The following SCN9A variants were observed in gnomAD, a reference collection of about 807,000 sequenced individuals.
The protein encoded by SCN9A is sodium channel protein type 9 subunit alpha.
Under a neutral mutation model 187.0 loss-of-function variants are expected in SCN9A, and 131 were observed. The observed-to-expected ratio is 0.70, with a 90% CI of 0.61 to 0.81. SCN9A has a LOEUF of 0.81. Ranked by LOEUF, SCN9A falls within the 30% of genes least tolerant of loss-of-function variation. The pLI, the probability that SCN9A is intolerant of heterozygous loss-of-function variation, is 0.00. For synonymous variants in SCN9A, 809 were observed against 808.6 expected, an observed-to-expected ratio of 1.00 and a Z score of -0.01; for missense variants, 2,252 against 2,396.6, an observed-to-expected ratio of 0.94 and a Z score of 1.26.
At chr2:166,360,244 A>G (rs1392602209) in intron 1 of SCN9A, among the ~76,000 whole-genome samples, 1 of 151,184 alleles carries the variant, frequency 6.6e-6, no homozygotes, top group African/African-American at 2.4e-5. Context: ...AAGAAAAAAA[A>G]AAAAAGAAAT....
rs1697264285 is a variant in SCN9A, at chr2:166,277,007, C to G, written c.2850G>C (p.Met950Ile). ...GQAMCLIVYMMVMVIGNLVVL... is the reference protein window; with the variant it reads ...GQAMCLIVYMIVMVIGNLVVL... Reference sequence around the variant, plus strand: ...CCACCAGGTTTCCAATGACCATGACCATCATGTAAACAATAAGGCACATAG... The same window carrying G: ...CCACCAGGTTTCCAATGACCATGACGATCATGTAAACAATAAGGCACATAG... The change falls in exon 16 of 27, where the codon ATG becomes ATC. Residue 950 changes from methionine (M) to isoleucine (I), a missense_variant. Physicochemically the swap from Met to Ile is conservative, Grantham distance 10 (BLOSUM62 1). Around this residue, in one of 7 missense-constraint regions of SCN9A, gnomAD observed 119 missense variants for 188.7 expected, o/e 0.63. Transcript: ENST00000642356. The G allele has an allele frequency of 6.2e-7, 1 of 1,613,478 alleles. No individual in the cohort carries two copies. Among genetic ancestry groups the G allele is most frequent in the African/African-American group, 1.3e-5 (1 of 74,958 alleles).
In SCN9A at chr2:166,228,982, A is replaced by C; in HGVS notation, c.3925-10T>G. ...GTGCATTCACAACGACCTAGTATTC[A>C]AAAGAAAGAAAAGCATGATTAGGAT... On this transcript the variant is annotated splice_polypyrimidine_tract_variant and intron_variant, in intron 21 of 26. Coordinates refer to ENST00000642356, the MANE Select transcript of SCN9A (RefSeq NM_001365536.1). 4 of 1,600,010 alleles carry C rather than the reference A, an allele frequency of 2.5e-6. No individual in the cohort carries two copies. Among genetic ancestry groups the C allele is most frequent in the Non-Finnish European group, 3.4e-6 (4 of 1,169,400 alleles).
chr2:166,338,493 T>A (rs1699685373), intron 1 of SCN9A, among the ~76,000 whole-genome samples: 1 of 152,094 alleles, frequency 6.6e-6, no homozygotes, highest in East Asian at 1.9e-4. Flanking sequence ...GTTTTTTAAA[T>A]TTTTTATTGT....
At position 166,307,153 on chromosome 2, in the gene SCN9A, C is replaced by T. The variant is rs4447616; in HGVS notation, c.259-79G>A. 497,824 of 786,280 alleles carry T rather than the reference C, an allele frequency of 0.63. 160,867 individuals carry two copies. Among genetic ancestry groups the T allele is most frequent in the African/African-American group, 0.83 (48,383 of 58,080 alleles). 48.7% of individuals were successfully genotyped at this position (786,280 alleles called of 1,614,324 possible). A position where few individuals can be genotyped will look rare whatever the true frequency, so the allele number is the denominator to read the frequency against. On this transcript the variant is annotated intron_variant, in intron 2 of 26. Transcript: ENST00000642356. ...ACATCAATATCAGCAGTTTACCTTT[C>T]TACATGGCAGTGTTATATTGAAGAA... is the stretch of plus-strand genomic sequence containing the variant.
intron 20 of SCN9A, among the ~76,000 whole-genome samples, chr2:166,234,676 G>T (rs1695235321): frequency 6.6e-6 from 1 of 151,788 alleles, no homozygotes; most frequent in African/African-American, 2.4e-5. Flanking sequence ...TCTTAAATTT[G>T]CCCAGTCATT....
At chr2:166,364,936 C>T (rs914919643) in intron 1 of SCN9A, among the ~76,000 whole-genome samples, 3 of 152,160 alleles carry the variant, frequency 2.0e-5, no homozygotes, top group Admixed American at 2.0e-4. Context: ...AGTTAGCAAC[C>T]GGTCAACCCT....
intron 1 of SCN9A, among the ~76,000 whole-genome samples, chr2:166,362,437 G>A (rs899788746): frequency 1.1e-4 from 16 of 151,934 alleles, no homozygotes; most frequent in African/African-American, 3.9e-4. Context: ...CAAAGATAAA[G>A]GGTATGGCTA....
At chr2:166,208,070 A>G (rs1574714572) in intron 24 of SCN9A, among the ~76,000 whole-genome samples, 1 of 152,256 alleles carries the variant, frequency 6.6e-6, no homozygotes, top group Non-Finnish European at 1.5e-5. Flanking sequence ...AATTAATTCA[A>G]TAGAGAAACT....
chr2:166,200,289 G>A (rs962366446), intron 26 of SCN9A, among the ~76,000 whole-genome samples: 1 of 151,766 alleles, frequency 6.6e-6, no homozygotes, highest in Non-Finnish European at 1.5e-5. Context: ...GAGCCACCGT[G>A]CCCGGCCAAG....
chr2:166,307,543 T>C lies in SCN9A; in HGVS notation c.259-469A>G, dbSNP rs111302354. On this transcript the variant is annotated intron_variant, in intron 2 of 26. Coordinates refer to ENST00000642356, the MANE Select transcript of SCN9A (RefSeq NM_001365536.1). ...AGCACATGTTCCAAAATATGAGTTA[T>C]TTCAAAAAATATTTTCCTAAGTTGA... Among the ~76,000 whole-genome samples the C allele has an allele frequency of 7.9e-3, 1,199 of 152,324 alleles. 22 individuals are homozygous for C. The highest frequency in any genetic ancestry group is 0.026 in the African/African-American group (1,100 of 41,568).
chr2:166,219,449 A>G (rs1305200067), intron 24 of SCN9A, among the ~76,000 whole-genome samples: 2 of 152,084 alleles, frequency 1.3e-5, no homozygotes, highest in Non-Finnish European at 2.9e-5. Context: ...GGCCATTTTC[A>G]TTAGTAAACT....
chr2:166,199,837 G>A lies in SCN9A; in HGVS notation c.4802C>T (p.Thr1601Met), dbSNP rs371341018. The change falls in exon 27 of 27, where the codon ACG becomes ATG. Residue 1601 changes from threonine (T) to methionine (M), a missense_variant. This residue lies in a region of SCN9A where 368 missense variants were observed against 408.6 expected (regional missense o/e 0.90). Transcript: ENST00000642356. ...GAACAGGGTAGGGGACACAAAATAC[G>A]TTTCAATCAAATCAGCTAGAAACAT... ...VGMFLADLIE[T>M]YFVSPTLFRV... 5 of 1,613,676 alleles carry A rather than the reference G, an allele frequency of 3.1e-6. No homozygotes were observed. The highest frequency in any genetic ancestry group is 1.7e-5 in the Admixed American group (1 of 59,988).
In SCN9A at chr2:166,375,817, C is replaced by A. The variant is rs1390451207; in HGVS notation, c.-171G>T. The stretch of plus-strand genomic sequence containing the variant: ...GGGCTGCTTCTTTTTCTCTGGGCTC[C>A]TGTTGCTCAGGGGACGCCTGCCGCT... On this transcript the variant is annotated 5_prime_UTR_variant, in exon 1 of 27. In the 5' UTR this introduces an upstream ATG that the reference lacks. Coordinates refer to ENST00000642356, the MANE Select transcript of SCN9A (RefSeq NM_001365536.1). 1 of 152,282 alleles carries A rather than the reference C, an allele frequency of 6.6e-6. No homozygotes were observed. The allele number at this position is 152,282 out of a possible 1,614,324, so 9.4% of individuals were successfully genotyped here.
chr2:166,335,906 T>A (rs559205579), intron 1 of SCN9A, among the ~76,000 whole-genome samples: 1 of 152,220 alleles, frequency 6.6e-6, no homozygotes, highest in South Asian at 2.1e-4. Flanking sequence ...TGTACAGAGT[T>A]TTTTTTCTTG....
In SCN9A at chr2:166,196,027, C is replaced by A. The variant is rs1214857774; in HGVS notation, c.*2645G>T. On this transcript the variant is annotated 3_prime_UTR_variant, in exon 27 of 27. Transcript: ENST00000642356. The stretch of plus-strand genomic sequence containing the variant: ...TGCCATTGCACTCTAGCCTGGGTGA[C>A]AGAGCGAGACCTGGTCACTTAAAAA... 1 of 152,040 alleles carries A rather than the reference C, an allele frequency of 6.6e-6. No homozygotes were observed. Among genetic ancestry groups the A allele is most frequent in the Non-Finnish European group, 1.5e-5 (1 of 68,036 alleles). The allele number at this position is 152,040 out of a possible 1,614,324, so 9.4% of individuals were successfully genotyped here. A position where few individuals can be genotyped will look rare whatever the true frequency, so the allele number is the denominator to read the frequency against.
At chr2:166,214,080 GAGAGA>G (rs1198497388) in intron 24 of SCN9A, among the ~76,000 whole-genome samples, 1 of 152,114 alleles carries the variant, frequency 6.6e-6, no homozygotes, top group Non-Finnish European at 1.5e-5. Context: ...AGAGTGTAAA[GAGAGA>G]AGAGATGAAC....
intron 11 of SCN9A, among the ~76,000 whole-genome samples, chr2:166,285,286 G>A (rs1697688931): frequency 6.6e-6 from 1 of 152,154 alleles, no homozygotes; most frequent in Non-Finnish European, 1.5e-5. Flanking sequence ...TATTTAAAGA[G>A]AGCTTTTAGC....
chr2:166,358,354 G>C (rs1458104853), intron 1 of SCN9A, among the ~76,000 whole-genome samples: 1 of 152,034 alleles, frequency 6.6e-6, no homozygotes, highest in East Asian at 1.9e-4. Context: ...ACAAACATGA[G>C]CCACCACACC....
chr2:166,226,540 A>G, intron 24 of SCN9A, 27 bp downstream of exon 24: 1 of 1,453,900 alleles, frequency 6.9e-7, no homozygotes, highest in Non-Finnish European at 9.4e-7. Context: ...CCCTTTCATT[A>G]CAATGAAAAA....
Sources: gnomAD v4.1 joint callset for allele counts (sites outside exome capture counted in the v4.1 genomes callset) on GRCh38, gnomAD v4.1.1 for gene constraint, gnomAD v4.1.1 regional missense constraint, MANE v1.5 for transcripts, NCBI Gene and HGNC (gene_info 2026-07-23, HGNC 2026-07-21) for gene names.